The following PCDHA5 variants were observed in gnomAD, a reference collection of about 807,000 sequenced individuals.
PCDHA5 encodes protocadherin alpha 5, also known as protocadherin alpha-5.
In PCDHA5, 43 loss-of-function variants were observed where a neutral mutation model predicts 61.6. That is an observed-to-expected ratio of 0.70 (90% CI 0.55 to 0.90). The LOEUF (loss-of-function observed/expected upper bound fraction) is 0.90. Among genes scored for constraint, PCDHA5 ranks in the 40% least tolerant of loss-of-function variants. The pLI, the probability that PCDHA5 is intolerant of heterozygous loss-of-function variation, is 0.00. For synonymous variants in PCDHA5, 627 were observed against 543.9 expected (o/e 1.15, Z -2.13); for missense variants, 1,298 against 1,222.7 (o/e 1.06, Z -0.92).
chr5:140,904,416 A>T (rs930452191), intron 1 of PCDHA5, among the ~76,000 whole-genome samples: 1 of 150,980 alleles, frequency 6.6e-6, no homozygotes, highest in Non-Finnish European at 1.5e-5. Context: ...TATATAATAC[A>T]TATATTTTAT....
chr5:140,884,824 T>A, intron 1 of PCDHA5: 1 of 993,590 alleles, frequency 1.0e-6, no homozygotes, highest in Non-Finnish European at 1.4e-6. Context: ...ACATTATGTG[T>A]TGGATTATCC....
At chr5:140,910,699 C>T (rs2075133738) in intron 1 of PCDHA5, among the ~76,000 whole-genome samples, 1 of 152,180 alleles carries the variant, frequency 6.6e-6, no homozygotes. Flanking sequence ...AGCTTGCTCA[C>T]AGTGGGCCAT....
At chr5:140,893,318 T>C (rs1329749503) in intron 1 of PCDHA5, among the ~76,000 whole-genome samples, 2 of 152,170 alleles carry the variant, frequency 1.3e-5, no homozygotes, top group African/African-American at 2.4e-5. Context: ...TTTGAGGGAC[T>C]CCCATACTGT....
At chr5:140,877,571 T>C in intron 1 of PCDHA5, 1 of 1,613,760 alleles carries the variant, frequency 6.2e-7, no homozygotes, top group African/African-American at 1.3e-5. Context: ...AACGTGTACC[T>C]CATCATCGCC....
rs1554129713 is a variant in PCDHA5 at position 140,824,066 on chromosome 5, C to A, written c.2291C>A (p.Pro764His). 1 of 1,614,046 alleles carries A rather than the reference C, an allele frequency of 6.2e-7. No individual in the cohort carries two copies. Among genetic ancestry groups the A allele is most frequent in the African/African-American group, 1.3e-5 (1 of 74,916 alleles). ...AGGGTGTGCTCTGGGGAAGCTCCAC[C>A]CAAAACAGACCTCATGGCCTTCAGT... is the stretch of plus-strand genomic sequence containing the variant. ...RQRVCSGEAP[P>H]KTDLMAFSPS... The change falls in exon 1 of 4, where the codon CCC becomes CAC. Residue 764 changes from proline to histidine, a missense_variant. By Grantham distance (77) the Pro-to-His change is moderately conservative. Coordinates refer to ENST00000529859, the MANE Select transcript of PCDHA5 (RefSeq NM_018908.3).
rs1554229126 is a variant in PCDHA5 at position 140,967,062 on chromosome 5, T to C, written c.2353-11887T>C. 3 of 1,612,916 alleles carry C rather than the reference T, an allele frequency of 1.9e-6. No individual in the cohort carries two copies. In the Admixed American group the frequency reaches 5.0e-5, roughly 27 times the overall value. ...GAGCTGGACCTGACGAGTGGAGCGC[T>C]CTTCGTCAACGAGCGCATTGATCGG... On this transcript the variant is annotated intron_variant, in intron 1 of 3. Transcript: ENST00000529859.
chr5:140,876,653 C>T (rs781890773), intron 1 of PCDHA5: 8 of 1,614,082 alleles, frequency 5.0e-6, no homozygotes, highest in Non-Finnish European at 6.8e-6. Context: ...CCTCATGTTC[C>T]CTTCAAGCTG....
intron 1 of PCDHA5, chr5:140,870,108 C>T (rs1317421695): frequency 1.2e-6 from 2 of 1,613,788 alleles, no homozygotes; most frequent in Non-Finnish European, 1.7e-6. Context: ...ACTGTACAGT[C>T]TGGGTGGAAA....
At chr5:140,981,643 G>A (rs998815671) in intron 2 of PCDHA5, among the ~76,000 whole-genome samples, 3 of 151,992 alleles carry the variant, frequency 2.0e-5, no homozygotes, top group African/African-American at 7.3e-5. Context: ...TTTTCTCTTA[G>A]GATCCCACTT....
chr5:140,857,857 C>T lies in PCDHA5; in HGVS notation c.2352+33730C>T, dbSNP rs1415276512. On this transcript the variant is annotated intron_variant, in intron 1 of 3. Transcript: ENST00000529859. ...CAGTGGACGCTGACTCTGGATACAA[C>T]GCGTGGCTGTCGTATGAATTGCAGT... 10 of 1,597,784 alleles carry T rather than the reference C, an allele frequency of 6.3e-6. 2 individuals are homozygous for T. Among genetic ancestry groups the T allele is most frequent in the African/African-American group, 1.3e-5 (1 of 74,362 alleles).
At chr5:140,870,070 G>A in intron 1 of PCDHA5, 2 of 1,613,880 alleles carry the variant, frequency 1.2e-6, no homozygotes, top group Non-Finnish European at 1.7e-6. Context: ...ACAGGCTACA[G>A]ATAAGGGGAC....
rs2150114892 is a variant in PCDHA5 at position 140,822,246 on chromosome 5, G to A, written c.471G>A (p.Ser157=). 6.8e-6 allele frequency: 11 copies of A among 1,614,194 alleles called. No individual in the cohort carries two copies. The highest frequency in any genetic ancestry group is 4.5e-5 in the East Asian group (2 of 44,890). ...CGCGGTTTCCGCTAGAGGGCGCGTC[G>A]GATTTGGATATTGGAGCAAATGCAC... ...PDSRFPLEGA[S]DLDIGANAQL... is the part of the protein sequence containing the mutation. Residue 157 remains serine (S), a synonymous_variant, in exon 1 of 4, where the codon TCG becomes TCA. Transcript: ENST00000529859.
At chr5:140,824,207 A>G in intron 1 of PCDHA5, 80 bp downstream of exon 1, 5 of 1,587,454 alleles carry the variant, frequency 3.1e-6, no homozygotes, top group Non-Finnish European at 4.3e-6. Context: ...CTTTTTTTGT[A>G]TTTAAAAATT....
At chr5:140,917,118 G>A (rs961408905) in intron 1 of PCDHA5, among the ~76,000 whole-genome samples, 2 of 152,106 alleles carry the variant, frequency 1.3e-5, no homozygotes, top group African/African-American at 2.4e-5. Context: ...CTCCAAGTGC[G>A]CAGACTCCCC....
At position 140,858,087 on chromosome 5, in the gene PCDHA5, G is replaced by C. The variant is rs782702941; in HGVS notation, c.2352+33960G>C. ...AGCCAGGCACCCAAGGCCTCGTCGC[G>C]GGCTTCAGTGGGCGTGGCGCCCGAG... On this transcript the variant is annotated intron_variant, in intron 1 of 3. Transcript: ENST00000529859. The C allele has an allele frequency of 3.8e-6, 6 of 1,597,710 alleles. 1 individual carries two copies. Among genetic ancestry groups the C allele is most frequent in the Non-Finnish European group, 5.1e-6 (6 of 1,167,710 alleles).
At chr5:140,836,800 A>C (rs1774751613) in intron 1 of PCDHA5, 1 of 1,349,242 alleles carries the variant, frequency 7.4e-7, no homozygotes, top group Non-Finnish European at 1.0e-6. Flanking sequence ...TGGTCTCCTT[A>C]AATTTTCTTT....
Position 140,853,516 on chromosome 5 carries a change from C to T in PCDHA5, c.2352+29389C>T, listed in dbSNP as rs546400632. On this transcript the variant is annotated intron_variant, in intron 1 of 3. Coordinates refer to ENST00000529859, the MANE Select transcript of PCDHA5 (RefSeq NM_018908.3). The stretch of plus-strand genomic sequence containing the variant: ...TTAGAATCATGAAACAATAATGAAG[C>T]TCCTCCTATGTCTCTTTTCAAGTTG... 3.7e-4 allele frequency: 362 copies of T among 976,264 alleles called. 18 individuals are homozygous for T. In the South Asian group the frequency reaches 0.015, roughly 41 times the overall value. The allele number at this position is 976,264 out of a possible 1,614,324, so 60.5% of individuals were successfully genotyped here.
At chr5:140,884,299 G>A in intron 1 of PCDHA5, 1 of 1,613,736 alleles carries the variant, frequency 6.2e-7, no homozygotes, top group Non-Finnish European at 8.5e-7. Context: ...AAGCGCCACA[G>A]GCTTCGTCGA....
chr5:140,863,010 A>ACGCCTGGTTGT (rs782452232), intron 1 of PCDHA5: 1 of 552,120 alleles, frequency 1.8e-6, no homozygotes, highest in African/African-American at 1.9e-5. Context: ...TCCAGCTATG[A>ACGCCTGGTTGT]CGCCTGGTTG....
Sources: gnomAD v4.1 joint callset for allele counts (sites outside exome capture counted in the v4.1 genomes callset) on GRCh38, gnomAD v4.1.1 for gene constraint, MANE v1.5 for transcripts, NCBI Gene and HGNC (gene_info 2026-07-23, HGNC 2026-07-21) for gene names.